The following DYNC2H1 variants were observed in gnomAD, a reference collection of about 807,000 sequenced individuals.
DYNC2H1 encodes the protein dynein cytoplasmic 2 heavy chain 1.
In DYNC2H1, 410 loss-of-function variants were observed where a neutral mutation model predicts 570.0. That is an observed-to-expected ratio of 0.72 (90% CI 0.66 to 0.78). The LOEUF is 0.78. DYNC2H1 is among the 30% of genes least tolerant of loss of function. The pLI is 0.00. For missense variants in DYNC2H1, 4,865 were observed against 5,046.4 expected (o/e 0.96, Z 1.09); for synonymous variants, 1,688 against 1,677.6 (o/e 1.01, Z -0.15).
At chr11:103,194,246 G>A (rs995464813) in intron 47 of DYNC2H1, among the ~76,000 whole-genome samples, 1 of 151,988 alleles carries the variant, frequency 6.6e-6, no homozygotes, top group Non-Finnish European at 1.5e-5. Context: ...GTTTTGTTTC[G>A]ATAGCTCGTT....
At chr11:103,238,582 T>TACAC (rs10571344) in intron 63 of DYNC2H1, among the ~76,000 whole-genome samples, 2 of 150,038 alleles carry the variant, frequency 1.3e-5, no homozygotes, top group East Asian at 2.0e-4. Context: ...CACACACACA[T>TACAC]ACACACACAC....
chr11:103,124,160 T>C (rs945142071), intron 11 of DYNC2H1, among the ~76,000 whole-genome samples: 1 of 151,984 alleles, frequency 6.6e-6, no homozygotes, highest in Non-Finnish European at 1.5e-5. Context: ...TTTGAAATAA[T>C]GAGGCTGGGT....
intron 83 of DYNC2H1, among the ~76,000 whole-genome samples, chr11:103,387,110 C>G (rs1340161317): frequency 2.6e-5 from 4 of 152,108 alleles, no homozygotes; most frequent in Admixed American, 6.6e-5. Context: ...AGTTTACAGT[C>G]CCACCAACAG....
At position 103,186,407 on chromosome 11, in the gene DYNC2H1, G is replaced by C; in HGVS notation, c.6799G>C (p.Asp2267His). 1 of 1,612,798 alleles carries C rather than the reference G, an allele frequency of 6.2e-7. No homozygotes were observed. The highest frequency in any genetic ancestry group is 8.5e-7 in the Non-Finnish European group (1 of 1,179,204). Residue 2267 changes from aspartate to histidine, a missense_variant, in exon 42 of 89, where the codon GAC (aspartate) becomes CAC (histidine). By Grantham distance (81) the Asp-to-His change is moderately conservative. Transcript: ENST00000375735. This position sits in a 1 kb window ranked among gnomAD's most constrained non-coding sequence, Gnocchi z 4.5. ...AACTCTTCCAGTCATTCAGACTCCT[G>C]ACATGCAACGAGGTCTAGATTATTT... ...GLTLPVIQTP[D>H]MQRGLDYFKP...
chr11:103,388,462 G>T (rs1338141907), intron 83 of DYNC2H1, among the ~76,000 whole-genome samples: 1 of 152,200 alleles, frequency 6.6e-6, no homozygotes, highest in Non-Finnish European at 1.5e-5. Flanking sequence ...GGGACAATTT[G>T]ACTTCCTCTT....
chr11:103,223,212 G>T, intron 59 of DYNC2H1, 126 bp downstream of exon 59: 1 of 897,946 alleles, frequency 1.1e-6, no homozygotes, highest in Non-Finnish European at 1.5e-6. Flanking sequence ...TAAAATATAT[G>T]AATGAGTCAA....
chr11:103,234,343 G>C lies in DYNC2H1; in HGVS notation c.9567+183G>C, dbSNP rs181870463. Among the ~76,000 whole-genome samples, 7 of 152,082 alleles carry C rather than the reference G, an allele frequency of 4.6e-5. No individual in the cohort carries two copies. The East Asian group carries it at 1.4e-3, about 29-fold the overall frequency. On this transcript the variant is annotated intron_variant, in intron 61 of 88. Coordinates refer to ENST00000375735, the MANE Select transcript of DYNC2H1 (RefSeq NM_001377.3). ...TAAACAAAGCGTCTTTATATGAATA[G>C]ATTTTTAGGCAAAGCAGCCTATTTT...
At chr11:103,220,411 G>T (rs926022557) in intron 56 of DYNC2H1, among the ~76,000 whole-genome samples, 2 of 152,058 alleles carry the variant, frequency 1.3e-5, no homozygotes, top group Non-Finnish European at 2.9e-5. Flanking sequence ...TCCAAATTAG[G>T]TTATTGCAGT....
chr11:103,276,823 T>C (rs1565455709), intron 70 of DYNC2H1, among the ~76,000 whole-genome samples: 1 of 152,106 alleles, frequency 6.6e-6, no homozygotes, highest in Admixed American at 6.5e-5. Flanking sequence ...TATTTCTTAT[T>C]AGGAGCACAT....
chr11:103,468,505 C>A, intron 87 of DYNC2H1, 84 bp from the exon 88 acceptor site: 2 of 877,762 alleles, frequency 2.3e-6, no homozygotes, highest in South Asian at 3.3e-5. Context: ...CAATGGAAAG[C>A]ATAGCTCTTA....
chr11:103,210,235 A>G (rs1231829173), intron 53 of DYNC2H1, among the ~76,000 whole-genome samples: 1 of 151,976 alleles, frequency 6.6e-6, no homozygotes, highest in African/African-American at 2.4e-5. Flanking sequence ...TGAAGGACCT[A>G]CTTAAATTGT....
Position 103,220,606 on chromosome 11 carries a change from G to A in DYNC2H1, c.8947-17G>A. 1.9e-6 allele frequency: 3 copies of A among 1,560,900 alleles called. No homozygotes were observed. Among genetic ancestry groups the A allele is most frequent in the Non-Finnish European group, 1.7e-6 (2 of 1,156,060 alleles). On this transcript the variant is annotated splice_polypyrimidine_tract_variant and intron_variant, in intron 56 of 88. Coordinates refer to ENST00000375735, the MANE Select transcript of DYNC2H1 (RefSeq NM_001377.3). ...AATATATAATTTGAAGATAAAAATG[G>A]CCTTTTTCTCTTTTAGCCTTTAGTC... is the stretch of plus-strand genomic sequence containing the variant.
intron 82 of DYNC2H1, among the ~76,000 whole-genome samples, chr11:103,342,516 T>TG (rs1302887674): frequency 2.0e-5 from 3 of 151,614 alleles, no homozygotes; most frequent in East Asian, 1.9e-4. Flanking sequence ...ACCTTTTTTT[T>TG]TTTTGAGATG....
At chr11:103,452,661 T>G (rs910062122) in intron 85 of DYNC2H1, among the ~76,000 whole-genome samples, 1 of 151,996 alleles carries the variant, frequency 6.6e-6, no homozygotes, top group Non-Finnish European at 1.5e-5. Flanking sequence ...TATTCTAGGA[T>G]AGCCTTTTAC....
At chr11:103,236,145 C>A (rs560116812) in intron 62 of DYNC2H1, among the ~76,000 whole-genome samples, 51 of 151,866 alleles carry the variant, frequency 3.4e-4, no homozygotes, top group Non-Finnish European at 6.2e-4. Context: ...GGCTGAGATG[C>A]AAGAACTTTA....
intron 84 of DYNC2H1, among the ~76,000 whole-genome samples, chr11:103,428,202 A>C (rs11225791): frequency 7.8e-6 from 1 of 128,202 alleles, no homozygotes; most frequent in Non-Finnish European, 1.6e-5. Context: ...TTTTTTTTTC[A>C]GAATATCTGA....
intron 68 of DYNC2H1, 91 bp from the exon 69 acceptor site, chr11:103,257,517 G>A (rs544873347): frequency 2.4e-6 from 3 of 1,238,182 alleles, no homozygotes; most frequent in South Asian, 5.3e-5. Flanking sequence ...TATTACTTGG[G>A]TAGATATGTG....
chr11:103,221,848 T>G (rs1285482067), intron 57 of DYNC2H1, among the ~76,000 whole-genome samples, 182 bp from the exon 58 acceptor site: 1 of 152,132 alleles, frequency 6.6e-6, no homozygotes, highest in African/African-American at 2.4e-5. Context: ...AGAGCGAGAC[T>G]CTGTCTCAAA....
intron 82 of DYNC2H1, among the ~76,000 whole-genome samples, chr11:103,337,618 TTTCTCTGATG>T (rs927379173): frequency 1.3e-4 from 20 of 152,234 alleles, no homozygotes; most frequent in African/African-American, 4.3e-4. Context: ...TTGATTTCTA[TTTCTCTGATG>T]AGTAGTGATG....
Sources: allele counts gnomAD v4.1 joint callset (sites outside exome capture counted in the v4.1 genomes callset), GRCh38; gene constraint gnomAD v4.1.1; non-coding constraint Gnocchi (gnomAD v3.1); transcripts MANE v1.5; gene names NCBI Gene and HGNC (gene_info 2026-07-23, HGNC 2026-07-21).